The following YAP1 variants were observed in gnomAD, a reference collection of about 807,000 sequenced individuals.
The protein encoded by YAP1 is Yes1 associated transcriptional regulator.
YAP1 carries 5 observed loss-of-function variants against 56.9 expected under a neutral mutation model. That is an observed-to-expected ratio of 0.09 (90% CI 0.05 to 0.18). The LOEUF (loss-of-function observed/expected upper bound fraction) is 0.18. Ranked by LOEUF, YAP1 falls within the 10% of genes least tolerant of loss-of-function variation. YAP1 has a pLI of 1.00. For synonymous variants in YAP1, 265 were observed against 248.1 expected, an observed-to-expected ratio of 1.07 and a Z score of -0.64; for missense variants, 539 against 651.8, an observed-to-expected ratio of 0.83 and a Z score of 1.88.
chr11:102,127,746 G>A (rs1944120081), intron 2 of YAP1, among the ~76,000 whole-genome samples: 1 of 152,166 alleles, frequency 6.6e-6, no homozygotes, highest in East Asian at 1.9e-4. Context: ...CGTGCTCCTG[G>A]AAAAGCTGCA....
chr11:102,190,550 C>T (rs1239962793), intron 4 of YAP1, among the ~76,000 whole-genome samples: 1 of 152,046 alleles, frequency 6.6e-6, no homozygotes, highest in African/African-American at 2.4e-5. Flanking sequence ...CACTTGAATC[C>T]AGGCGGCAGA....
intron 2 of YAP1, among the ~76,000 whole-genome samples, chr11:102,132,894 C>G (rs1230162468): frequency 6.6e-6 from 1 of 152,148 alleles, no homozygotes; most frequent in Non-Finnish European, 1.5e-5. Context: ...CATAGTGGTT[C>G]ATGCCTGTAA....
intron 1 of YAP1, among the ~76,000 whole-genome samples, 167 bp downstream of exon 1, chr11:102,111,336 CGGT>C (rs1942889935): frequency 2.0e-5 from 3 of 152,096 alleles, no homozygotes; most frequent in Admixed American, 2.0e-4. Context: ...CACTCCGCCG[CGGT>C]GACCAGCTCC....
At chr11:102,123,434 C>G (rs1943810423) in intron 2 of YAP1, among the ~76,000 whole-genome samples, 1 of 151,974 alleles carries the variant, frequency 6.6e-6, no homozygotes, top group African/African-American at 2.4e-5. Context: ...CAATTTTTCT[C>G]TTTCTTTATT....
chr11:102,178,368 C>T (rs1011940806), intron 3 of YAP1, among the ~76,000 whole-genome samples: 2 of 152,074 alleles, frequency 1.3e-5, no homozygotes, highest in Non-Finnish European at 2.9e-5. Context: ...CTTCTTTATT[C>T]CCAAATTGTG....
At chr11:102,222,418 G>A (rs1043830103) in intron 6 of YAP1, among the ~76,000 whole-genome samples, 1 of 152,226 alleles carries the variant, frequency 6.6e-6, no homozygotes, top group Admixed American at 6.5e-5. Context: ...AAAAAGGACA[G>A]AGTAGTAATG....
chr11:102,173,964 A>C (rs1947073619), intron 3 of YAP1, among the ~76,000 whole-genome samples: 1 of 152,146 alleles, frequency 6.6e-6, no homozygotes, highest in African/African-American at 2.4e-5. Flanking sequence ...AGTGCTTCTT[A>C]ATTTGTAATG....
chr11:102,223,956 T>A (rs1950072913), intron 7 of YAP1, among the ~76,000 whole-genome samples: 1 of 152,228 alleles, frequency 6.6e-6, no homozygotes, highest in Non-Finnish European at 1.5e-5. Context: ...TGTTCAGACT[T>A]GTACAAGGGA....
chr11:102,185,136 T>C (rs1411663195), intron 3 of YAP1, among the ~76,000 whole-genome samples: 2 of 152,168 alleles, frequency 1.3e-5, no homozygotes, highest in East Asian at 3.8e-4. Flanking sequence ...TTGATTCCTG[T>C]TGGAAATGGG....
At chr11:102,204,162 G>C (rs1283049582) in intron 4 of YAP1, among the ~76,000 whole-genome samples, 2 of 148,288 alleles carry the variant, frequency 1.3e-5, no homozygotes, top group African/African-American at 5.0e-5. Flanking sequence ...TTGAGAGACA[G>C]ACAGTAGGAT....
chr11:102,172,405 G>A (rs556578099), intron 3 of YAP1, among the ~76,000 whole-genome samples: 8 of 143,024 alleles, frequency 5.6e-5, no homozygotes, highest in South Asian at 4.4e-4. Flanking sequence ...TCAACTTCAC[G>A]GGCTCAAGTG....
At chr11:102,217,514 A>T (rs1376075053) in intron 6 of YAP1, among the ~76,000 whole-genome samples, 1 of 152,218 alleles carries the variant, frequency 6.6e-6, no homozygotes, top group East Asian at 1.9e-4. Context: ...TGAACTGTGG[A>T]TATAACATGA....
At chr11:102,203,083 T>G (rs1449330726) in intron 4 of YAP1, among the ~76,000 whole-genome samples, 1 of 152,170 alleles carries the variant, frequency 6.6e-6, no homozygotes, top group Non-Finnish European at 1.5e-5. Flanking sequence ...AAAACAGTGG[T>G]CCTCAGAGCG....
intron 4 of YAP1, among the ~76,000 whole-genome samples, chr11:102,191,495 C>A (rs371308130): frequency 7.2e-5 from 11 of 151,796 alleles, no homozygotes; most frequent in African/African-American, 2.7e-4. Flanking sequence ...TCTTTTGATA[C>A]CTAGAATTTA....
intron 8 of YAP1, among the ~76,000 whole-genome samples, chr11:102,229,337 T>G (rs992290589): frequency 2.0e-5 from 3 of 152,218 alleles, no homozygotes; most frequent in Admixed American, 1.3e-4. Flanking sequence ...ATGTTTAGTC[T>G]TATTATGGTG....
chr11:102,112,838 T>C (rs1943044790), intron 1 of YAP1: 1 of 926,808 alleles, frequency 1.1e-6, no homozygotes, highest in Non-Finnish European at 1.3e-6. Context: ...GCACGGTATG[T>C]TTTCAAAGTA....
At chr11:102,201,069 G>A (rs11821529) in intron 4 of YAP1, among the ~76,000 whole-genome samples, 3,024 of 152,154 alleles carry the variant, frequency 0.02, 99 homozygotes, top group African/African-American at 0.068. Context: ...GCAATCTCCC[G>A]TATAGACATC....
intron 3 of YAP1, among the ~76,000 whole-genome samples, chr11:102,175,994 A>C (rs1283712830): frequency 6.6e-6 from 1 of 152,204 alleles, no homozygotes; most frequent in Admixed American, 6.5e-5. Context: ...TGTTTAAGGC[A>C]TATATGGTCA....
intron 6 of YAP1, among the ~76,000 whole-genome samples, chr11:102,220,348 G>A (rs777525917): frequency 6.6e-6 from 1 of 152,256 alleles, no homozygotes; most frequent in South Asian, 2.1e-4. Context: ...AGTGGTACTA[G>A]GGTCCATCCA....
Sources: allele counts gnomAD v4.1 joint callset (sites outside exome capture counted in the v4.1 genomes callset), GRCh38; gene constraint gnomAD v4.1.1; transcripts MANE v1.5; gene names NCBI Gene and HGNC (gene_info 2026-07-23, HGNC 2026-07-21).